SPAG9: variants seen among roughly 807,000 people sequenced by gnomAD.
The protein encoded by SPAG9 is C-Jun-amino-terminal kinase-interacting protein 4.
Under a neutral mutation model 166.5 loss-of-function variants are expected in SPAG9, and 35 were observed. That is an observed-to-expected ratio of 0.21 (90% CI 0.16 to 0.28). SPAG9 has a LOEUF of 0.28. SPAG9 is among the 10% of genes least tolerant of loss of function. SPAG9 has a pLI of 1.00. For synonymous variants in SPAG9, 534 were observed against 565.5 expected, an observed-to-expected ratio of 0.94 and a Z score of 0.79; for missense variants, 1,235 against 1,603.3, an observed-to-expected ratio of 0.77 and a Z score of 3.92.
At chr17:51,095,882 T>A (rs529706164) in intron 1 of SPAG9, among the ~76,000 whole-genome samples, 1 of 144,726 alleles carries the variant, frequency 6.9e-6, no homozygotes, top group Non-Finnish European at 1.5e-5. Flanking sequence ...ATGTGATATA[T>A]ATAGTGATAT....
chr17:51,062,716 G>A (rs1310133782), intron 2 of SPAG9, among the ~76,000 whole-genome samples: 3 of 152,068 alleles, frequency 2.0e-5, no homozygotes, highest in African/African-American at 7.2e-5. Flanking sequence ...TCAGCCTTCT[G>A]AGTAGCTGGG....
chr17:51,115,877 G>A (rs1038522466), intron 1 of SPAG9, among the ~76,000 whole-genome samples: 1 of 151,720 alleles, frequency 6.6e-6, no homozygotes, highest in African/African-American at 2.4e-5. Flanking sequence ...AAGGAAGGAA[G>A]ACAATGCCTC....
At chr17:50,990,787 T>G in intron 19 of SPAG9, 119 bp from the exon 20 acceptor site, 1 of 693,632 alleles carries the variant, frequency 1.4e-6, no homozygotes, top group Non-Finnish European at 2.4e-6. Context: ...GGTAGTTGAA[T>G]ACAGGTAGCA....
intron 8 of SPAG9, among the ~76,000 whole-genome samples, chr17:51,016,962 T>C (rs547000241): frequency 1.3e-5 from 2 of 152,322 alleles, no homozygotes; most frequent in South Asian, 4.1e-4. Flanking sequence ...TGTGGCTAAG[T>C]AGAATTACAG....
intron 1 of SPAG9, among the ~76,000 whole-genome samples, chr17:51,108,639 G>C (rs2049020866): frequency 6.6e-6 from 1 of 151,742 alleles, no homozygotes; most frequent in African/African-American, 2.4e-5. Flanking sequence ...TGGAGCCACA[G>C]GTGCATACCA....
chr17:50,970,925 T>A lies in SPAG9; in HGVS notation c.3701-69A>T, dbSNP rs186135178. 2.3e-3 allele frequency: 3,086 copies of A among 1,334,132 alleles called. 19 individuals are homozygous for A. The highest frequency in any genetic ancestry group is 0.012 in the Admixed American group (595 of 48,496). The allele number at this position is 1,334,132 out of a possible 1,614,324, so 82.6% of individuals were successfully genotyped here. On this transcript the variant is annotated intron_variant, in intron 28 of 29. Transcript: ENST00000262013. ...GGGAGGCTGTTTTGTTTTTTTTTTTTAAGTATTTTTAGAGTTAAACAAAAA... is the reference window on the plus strand; with the variant it reads ...GGGAGGCTGTTTTGTTTTTTTTTTTAAAGTATTTTTAGAGTTAAACAAAAA...
chr17:51,105,054 C>T (rs1412859307), intron 1 of SPAG9, among the ~76,000 whole-genome samples: 3 of 151,996 alleles, frequency 2.0e-5, no homozygotes, highest in African/African-American at 7.2e-5. Context: ...CGAGATCACG[C>T]CACTGCACTC....
At chr17:51,063,317 C>A (rs2047569306) in intron 2 of SPAG9, among the ~76,000 whole-genome samples, 1 of 150,816 alleles carries the variant, frequency 6.6e-6, no homozygotes, top group African/African-American at 2.4e-5. Context: ...GAGGCTGAGG[C>A]AGGAGGATCG....
intron 1 of SPAG9, among the ~76,000 whole-genome samples, chr17:51,119,383 C>T (rs1312561279): frequency 6.6e-6 from 1 of 152,156 alleles, no homozygotes. Flanking sequence ...AAATAGGACA[C>T]ATCACCTGCC....
intron 28 of SPAG9, 146 bp from the exon 29 acceptor site, chr17:50,971,002 G>A: frequency 1.5e-6 from 1 of 681,440 alleles, no homozygotes; most frequent in Non-Finnish European, 2.4e-6. Flanking sequence ...GGCTCTGCAT[G>A]ATCAGAAAAC....
chr17:51,009,293 T>A (rs1432012299), intron 9 of SPAG9, among the ~76,000 whole-genome samples: 1 of 152,010 alleles, frequency 6.6e-6, no homozygotes, highest in African/African-American at 2.4e-5. Context: ...CACAATGAAG[T>A]GTAAATATTT....
chr17:51,000,823 T>C (rs571655946), intron 13 of SPAG9, among the ~76,000 whole-genome samples: 19 of 152,326 alleles, frequency 1.2e-4, no homozygotes, highest in African/African-American at 4.6e-4. Flanking sequence ...AATATTTACT[T>C]ATTATTTATT....
intron 28 of SPAG9, among the ~76,000 whole-genome samples, chr17:50,971,830 C>T (rs925332112): frequency 6.6e-6 from 1 of 151,964 alleles, no homozygotes; most frequent in African/African-American, 2.4e-5. Flanking sequence ...TGCAATGGCG[C>T]GATCTCGGCT....
intron 17 of SPAG9, 48 bp from the exon 18 acceptor site, chr17:50,995,272 A>G (rs1284220566): frequency 6.4e-7 from 1 of 1,553,810 alleles, no homozygotes; most frequent in Admixed American, 1.9e-5. Flanking sequence ...AATGTTTAGC[A>G]TTTTCATGTT....
Position 51,045,598 on chromosome 17 carries a change from A to G in SPAG9, c.590+1777T>C, listed in dbSNP as rs560786893. On this transcript the variant is annotated intron_variant, in intron 4 of 29. Coordinates refer to ENST00000262013, the MANE Select transcript of SPAG9 (RefSeq NM_001130528.3). ...TCTACAATTAGGGTTTAAATATTTT[A>G]TAAACATTTAAATAATAAATAAAAA... 7.9e-5 allele frequency among the ~76,000 whole-genome samples: 12 copies of G among 152,178 alleles called. 1 individual carries two copies. In the South Asian group the frequency reaches 2.5e-3, roughly 32 times the overall value.
chr17:51,014,552 A>C (rs2045620715), intron 8 of SPAG9, 199 bp from the exon 9 acceptor site: 1 of 475,094 alleles, frequency 2.1e-6, no homozygotes, highest in African/African-American at 2.0e-5. Flanking sequence ...TGGTGAAGAA[A>C]TTATAGAATG....
intron 21 of SPAG9, among the ~76,000 whole-genome samples, chr17:50,988,881 T>G (rs1052816276): frequency 2.0e-5 from 3 of 152,138 alleles, no homozygotes; most frequent in Admixed American, 6.5e-5. Flanking sequence ...AATATTTGCA[T>G]GAAAACTAAA....
At chr17:51,095,876 GAT>G (rs533764265) in intron 1 of SPAG9, among the ~76,000 whole-genome samples, 1 of 142,476 alleles carries the variant, frequency 7.0e-6, no homozygotes, top group Admixed American at 7.2e-5. Flanking sequence ...ATAGTGATGT[GAT>G]ATATATAGTG....
At chr17:50,975,956 G>C in intron 27 of SPAG9, 1 of 1,335,514 alleles carries the variant, frequency 7.5e-7, no homozygotes, top group Admixed American at 2.0e-5. Context: ...AGGGAGGAGA[G>C]AATTACTGTG....
Sources: allele counts gnomAD v4.1 joint callset (sites outside exome capture counted in the v4.1 genomes callset), GRCh38; gene constraint gnomAD v4.1.1; transcripts MANE v1.5; gene names NCBI Gene and HGNC (gene_info 2026-07-23, HGNC 2026-07-21).